Variants in MGA observed in about 807,000 individuals in gnomAD.
The protein encoded by MGA is MAX dimerization protein MGA.
A neutral mutation model predicts 261.1 loss-of-function variants in MGA; 40 were observed. That is an observed-to-expected ratio of 0.15 (90% confidence interval 0.12 to 0.20). The LOEUF (loss-of-function observed/expected upper bound fraction) is 0.20, where lower values mean the gene tolerates loss of function less well. Among genes scored for constraint, MGA ranks in the 10% least tolerant of loss-of-function variants. The probability of loss-of-function intolerance (pLI) is 1.00; values close to 1 mark genes in which losing one functional copy is unlikely to be tolerated. For missense variants in MGA, 3,397 were observed against 3,630.5 expected, an observed-to-expected ratio of 0.94 and a Z score of 1.65; for synonymous variants, 1,302 against 1,290.6, an observed-to-expected ratio of 1.01 and a Z score of -0.19.
In MGA at chr15:41,748,807, C is replaced by G. The variant is rs1283962241; in HGVS notation, c.5383C>G (p.Pro1795Ala). 1 of 1,613,936 alleles carries G rather than the reference C, an allele frequency of 6.2e-7. No individual in the cohort carries two copies. Among genetic ancestry groups the G allele is most frequent in the Admixed American group, 1.7e-5 (1 of 60,010 alleles). ...GATGGTCTTGCAGCCTGTTAGGAGT[C>G]CAAGTGGAATGAACTTATTCAGGCA... The change falls in exon 16 of 24, where the codon CCA (proline) becomes GCA (alanine). Residue 1795 changes from proline (P) to alanine (A), a missense_variant. Pro to Ala is a conservative substitution (Grantham distance 27). Coordinates refer to ENST00000219905, the MANE Select transcript of MGA (RefSeq NM_001164273.2).
At chr15:41,748,537 C>T in intron 15 of MGA, 100 bp from the exon 16 acceptor site, 1 of 1,358,232 alleles carries the variant, frequency 7.4e-7, no homozygotes, top group South Asian at 1.5e-5. Flanking sequence ...GCCTGAGCAA[C>T]AAAGCAAGAC....
At chr15:41,662,417 C>A (rs1157489428) in intron 1 of MGA, among the ~76,000 whole-genome samples, 1 of 152,214 alleles carries the variant, frequency 6.6e-6, no homozygotes, top group South Asian at 2.1e-4. Flanking sequence ...GCAGTACTCT[C>A]TTACGCAGGT....
intron 9 of MGA, among the ~76,000 whole-genome samples, chr15:41,721,028 C>T (rs2060913235): frequency 6.6e-6 from 1 of 152,082 alleles, no homozygotes; most frequent in African/African-American, 2.4e-5. Context: ...ACGTTATACA[C>T]CTAATTTTCA....
chr15:41,699,028 A>G, intron 4 of MGA, 36 bp from the exon 5 acceptor site: 1 of 1,578,294 alleles, frequency 6.3e-7, no homozygotes, highest in Non-Finnish European at 8.6e-7. Flanking sequence ...TGTAGTGTAC[A>G]GTAGCTTATT....
In MGA at chr15:41,764,782, G is replaced by T. The variant is rs542211647; in HGVS notation, c.7745-104G>T. The T allele has an allele frequency of 9.6e-6, 11 of 1,151,712 alleles. No homozygotes were observed. The Admixed American group carries it at 2.4e-4, about 25-fold the overall frequency. 71.3% of individuals were successfully genotyped at this position (1,151,712 alleles called of 1,614,324 possible). On this transcript the variant is annotated intron_variant, in intron 22 of 23. Coordinates refer to ENST00000219905, the MANE Select transcript of MGA (RefSeq NM_001164273.2). ...TGGTCTTGAACTCCTGGGCTCAAGT[G>T]ATCTGCCTGCCTCAGCCTCCCAAAG...
intron 1 of MGA, among the ~76,000 whole-genome samples, chr15:41,623,610 G>A (rs537893262): frequency 6.6e-6 from 1 of 151,616 alleles, no homozygotes; most frequent in Non-Finnish European, 1.5e-5. Flanking sequence ...CGGGTGTGGC[G>A]ATGCATGCCT....
chr15:41,669,025 A>T lies in MGA; in HGVS notation c.131A>T (p.Asn44Ile), dbSNP rs200590235. The T allele has an allele frequency of 6.2e-7, 1 of 1,613,644 alleles. No individual in the cohort carries two copies. The highest frequency in any genetic ancestry group is 8.5e-7 in the Non-Finnish European group (1 of 1,179,586). Residue 44 changes from asparagine to isoleucine, a missense_variant, in exon 2 of 24, where the codon AAT (asparagine) becomes ATT (isoleucine). Transcript: ENST00000219905. ...ACTGATCAAGGAATTTTGGTTACTA[A>T]TCAGGATGCCTGTGCTTTGGCTAGT...
chr15:41,711,680 A>G (rs993100563), intron 8 of MGA, among the ~76,000 whole-genome samples: 2 of 152,114 alleles, frequency 1.3e-5, no homozygotes, highest in African/African-American at 2.4e-5. Context: ...TGTTAAAACA[A>G]CTTTGAAAAT....
At chr15:41,627,411 A>G (rs2056482118) in intron 1 of MGA, among the ~76,000 whole-genome samples, 1 of 152,066 alleles carries the variant, frequency 6.6e-6, no homozygotes, top group Admixed American at 6.5e-5. Flanking sequence ...GACACTTTTG[A>G]GGAATACCAG....
chr15:41,651,673 CATT>C (rs2057053839), intron 1 of MGA, among the ~76,000 whole-genome samples: 1 of 56,834 alleles, frequency 1.8e-5, no homozygotes, highest in Non-Finnish European at 3.8e-5. Flanking sequence ...TTCTCCTCCC[CATT>C]CCCCCTTTCC....
chr15:41,729,045 GTT>G, intron 10 of MGA, 117 bp from the exon 11 acceptor site: 1 of 1,000,690 alleles, frequency 1.0e-6, no homozygotes, highest in South Asian at 1.5e-5. Context: ...TGATTTGAAA[GTT>G]TGCATTAAAA....
At chr15:41,721,205 C>T (rs187005728) in intron 9 of MGA, among the ~76,000 whole-genome samples, 7 of 152,276 alleles carry the variant, frequency 4.6e-5, no homozygotes, top group South Asian at 2.1e-4. Context: ...CGGTGTCTCA[C>T]GCCTGTGATT....
At chr15:41,639,842 C>G (rs2056786723) in intron 1 of MGA, among the ~76,000 whole-genome samples, 1 of 152,184 alleles carries the variant, frequency 6.6e-6, no homozygotes, top group South Asian at 2.1e-4. Context: ...GCCACCGTGC[C>G]TGGCCCCAGG....
At chr15:41,636,668 A>G (rs192814532) in intron 1 of MGA, among the ~76,000 whole-genome samples, 202 of 151,098 alleles carry the variant, frequency 1.3e-3, no homozygotes, top group African/African-American at 4.7e-3. Context: ...GTCCTCCTCA[A>G]CCTCCCAAAG....
intron 23 of MGA, 31 bp downstream of exon 23, chr15:41,765,093 G>C: frequency 6.2e-7 from 1 of 1,608,470 alleles, no homozygotes; most frequent in Non-Finnish European, 8.5e-7. Flanking sequence ...TCTATGGGAA[G>C]TGATAAAGTT....
intron 13 of MGA, among the ~76,000 whole-genome samples, chr15:41,738,526 T>C (rs900021832): frequency 1.4e-4 from 22 of 152,334 alleles, no homozygotes; most frequent in African/African-American, 5.3e-4. Context: ...AACAGTATTT[T>C]CTCTACCTTA....
intron 1 of MGA, among the ~76,000 whole-genome samples, chr15:41,646,417 C>T (rs2056933835): frequency 6.6e-6 from 1 of 151,668 alleles, no homozygotes; most frequent in African/African-American, 2.4e-5. Context: ...ATGATCTCGG[C>T]TCACTGCAAT....
chr15:41,745,005 A>G (rs2062360875), intron 15 of MGA, among the ~76,000 whole-genome samples: 1 of 152,134 alleles, frequency 6.6e-6, no homozygotes, highest in Admixed American at 6.5e-5. Context: ...CAGCCTCCCG[A>G]GTAGCTGGGA....
chr15:41,737,308 G>GT (rs558117565), intron 13 of MGA, among the ~76,000 whole-genome samples: 2,010 of 149,140 alleles, frequency 0.013, 48 homozygotes, highest in African/African-American at 0.046. Context: ...GTTTGTGTGT[G>GT]TTTTTTTTTG....
Sources: allele counts gnomAD v4.1 joint callset (sites outside exome capture counted in the v4.1 genomes callset), GRCh38; gene constraint gnomAD v4.1.1; transcripts MANE v1.5; gene names NCBI Gene and HGNC (gene_info 2026-07-23, HGNC 2026-07-21).